DDX10: variants seen among roughly 807,000 people sequenced by gnomAD.
The protein encoded by DDX10 is probable ATP-dependent RNA helicase DDX10.
Under a neutral mutation model 104.3 loss-of-function variants are expected in DDX10, and 74 were observed. The observed-to-expected ratio is 0.71, with a 90% CI of 0.59 to 0.86. DDX10 has a LOEUF of 0.86. Among genes scored for constraint, DDX10 ranks in the 40% least tolerant of loss-of-function variants. DDX10 has a pLI of 0.00. For missense variants in DDX10, 952 were observed against 1,040.0 expected (o/e 0.92, Z 1.16); for synonymous variants, 351 against 353.4 (o/e 0.99, Z 0.08).
At chr11:108,710,163 A>G (rs2094282205) in intron 10 of DDX10, among the ~76,000 whole-genome samples, 1 of 152,204 alleles carries the variant, frequency 6.6e-6, no homozygotes, top group Non-Finnish European at 1.5e-5. Flanking sequence ...CAGGACTGGA[A>G]GTTGCTCTGG....
At chr11:108,744,168 A>G (rs1257387327) in intron 13 of DDX10, among the ~76,000 whole-genome samples, 8 of 152,162 alleles carry the variant, frequency 5.3e-5, no homozygotes, top group Non-Finnish European at 8.8e-5. Context: ...ATGGCTTTAT[A>G]TAGTTTTCTA....
chr11:108,922,243 C>CAAAAAAAAAAAAAAAAAAAA (rs3030537), intron 17 of DDX10: 20 of 79,316 alleles, frequency 2.5e-4, no homozygotes, highest in Middle Eastern at 6.8e-3. Context: ...GACTCCATCT[C>CAAAAAAAAAAAAAAAAAAAA]AAAAAAAAAA....
chr11:108,935,948 T>C (rs1429981972), intron 17 of DDX10, among the ~76,000 whole-genome samples: 1 of 152,208 alleles, frequency 6.6e-6, no homozygotes, highest in Non-Finnish European at 1.5e-5. Flanking sequence ...TTCATCCAAG[T>C]ATATGAAGTA....
In DDX10 at chr11:108,665,078, C is replaced by T. The variant is rs761347945; in HGVS notation, c.-76C>T. On this transcript the variant is annotated 5_prime_UTR_variant, in exon 1 of 18. Coordinates refer to ENST00000322536, the MANE Select transcript of DDX10 (RefSeq NM_004398.4). ...GCGCATGCGCCTCTGTGCGTTTGTC[C>T]CATGCTGGTTCCGTGAGTCTGGCCT... 6 of 1,458,238 alleles carry T rather than the reference C, an allele frequency of 4.1e-6. No homozygotes were observed. Among genetic ancestry groups the T allele is most frequent in the Non-Finnish European group, 5.4e-6 (6 of 1,107,290 alleles). 90.3% of individuals were successfully genotyped at this position (1,458,238 alleles called of 1,614,324 possible). A position where few individuals can be genotyped will look rare whatever the true frequency, so the allele number is the denominator to read the frequency against.
At chr11:108,750,761 C>A (rs1292701410) in intron 13 of DDX10, among the ~76,000 whole-genome samples, 1 of 149,786 alleles carries the variant, frequency 6.7e-6, no homozygotes, top group Non-Finnish European at 1.5e-5. Context: ...GTATATTTAA[C>A]TTTTTTCTTT....
chr11:108,882,394 C>T (rs77101844), intron 16 of DDX10, among the ~76,000 whole-genome samples: 4,285 of 152,198 alleles, frequency 0.028, 177 homozygotes, highest in African/African-American at 0.095. Context: ...TGCTTTAATT[C>T]CACATCTGTC....
At chr11:108,865,753 C>T (rs77073888) in intron 16 of DDX10, among the ~76,000 whole-genome samples, 12 of 152,052 alleles carry the variant, frequency 7.9e-5, no homozygotes, top group African/African-American at 1.7e-4. Flanking sequence ...GTTTACTCTA[C>T]GCATATTTCT....
chr11:108,834,066 C>T lies in DDX10; in HGVS notation c.1966-4380C>T, dbSNP rs189113280. Among the ~76,000 whole-genome samples, 253 of 152,094 alleles carry T rather than the reference C, an allele frequency of 1.7e-3. 1 individual carries two copies. The highest frequency in any genetic ancestry group is 5.7e-3 in the African/African-American group (238 of 41,478). Reference sequence around the variant, plus strand: ...GACCTCCTGGGCTGAAGTGATCCTCCCACCTCAGCCTCTTGAGTAGCTAAG... The same window carrying T: ...GACCTCCTGGGCTGAAGTGATCCTCTCACCTCAGCCTCTTGAGTAGCTAAG... On this transcript the variant is annotated intron_variant, in intron 13 of 17. Coordinates refer to ENST00000322536, the MANE Select transcript of DDX10 (RefSeq NM_004398.4).
At chr11:108,811,128 T>C (rs1221380694) in intron 13 of DDX10, among the ~76,000 whole-genome samples, 1 of 152,194 alleles carries the variant, frequency 6.6e-6, no homozygotes, top group Non-Finnish European at 1.5e-5. Context: ...TGAGTATATA[T>C]TGACTATCAT....
intron 6 of DDX10, 71 bp from the exon 7 acceptor site, chr11:108,688,865 C>T: frequency 6.5e-7 from 1 of 1,528,096 alleles, no homozygotes; most frequent in Non-Finnish European, 8.9e-7. Context: ...AAACTTGTTT[C>T]CTTTTTTGGT....
At chr11:108,880,358 C>A (rs1863211124) in intron 16 of DDX10, among the ~76,000 whole-genome samples, 1 of 152,164 alleles carries the variant, frequency 6.6e-6, no homozygotes, top group South Asian at 2.1e-4. Context: ...TCTCCAAATA[C>A]AGCCACATTG....
At chr11:108,846,997 G>A (rs551584567) in intron 15 of DDX10, among the ~76,000 whole-genome samples, 5 of 152,166 alleles carry the variant, frequency 3.3e-5, no homozygotes, top group African/African-American at 1.2e-4. Context: ...AGTTGTCGTT[G>A]TAGCCTTTAA....
intron 13 of DDX10, among the ~76,000 whole-genome samples, chr11:108,833,294 A>ATT (rs775885318): frequency 6.6e-5 from 10 of 152,278 alleles, no homozygotes; most frequent in East Asian, 1.9e-4. Flanking sequence ...TTTTTCTAAG[A>ATT]TTATATATAT....
chr11:108,771,040 A>G (rs2094362493), intron 13 of DDX10, among the ~76,000 whole-genome samples: 2 of 152,138 alleles, frequency 1.3e-5, no homozygotes, highest in Admixed American at 6.5e-5. Flanking sequence ...GATAAAAGCC[A>G]TTTTAACTGG....
chr11:108,873,299 G>A (rs1249150617), intron 16 of DDX10, among the ~76,000 whole-genome samples: 3 of 152,138 alleles, frequency 2.0e-5, no homozygotes, highest in Admixed American at 6.5e-5. Flanking sequence ...TTGTCCATAA[G>A]TAGGATGATA....
intron 13 of DDX10, among the ~76,000 whole-genome samples, chr11:108,734,356 T>A (rs1226416298): frequency 6.6e-6 from 1 of 152,218 alleles, no homozygotes; most frequent in East Asian, 1.9e-4. Context: ...GTGTCTTTTC[T>A]GTTTTTTGGC....
At chr11:108,728,469 G>T (rs1043531276) in intron 13 of DDX10, among the ~76,000 whole-genome samples, 1 of 134,312 alleles carries the variant, frequency 7.4e-6, no homozygotes, top group Non-Finnish European at 1.6e-5. Context: ...GATAACAACT[G>T]TCTTTGTTTT....
In DDX10 at chr11:108,847,642, G is replaced by A. The variant is rs545111703; in HGVS notation, c.2248-4511G>A. On this transcript the variant is annotated intron_variant, in intron 15 of 17. Transcript: ENST00000322536. ...TTGTTGTTGACACATAATTAAGTTG[G>A]CATGGAATCCAGATGACTTAACCAT... is the stretch of plus-strand genomic sequence containing the variant. 2.6e-5 allele frequency among the ~76,000 whole-genome samples: 4 copies of A among 152,268 alleles called. No individual in the cohort carries two copies. In the South Asian group the frequency reaches 8.3e-4, roughly 32 times the overall value.
chr11:108,824,933 A>T (rs1862375875), intron 13 of DDX10, among the ~76,000 whole-genome samples: 1 of 152,212 alleles, frequency 6.6e-6, no homozygotes. Context: ...TCCCTTAACT[A>T]TTGTAACACT....
Sources: allele counts gnomAD v4.1 joint callset (sites outside exome capture counted in the v4.1 genomes callset), GRCh38; gene constraint gnomAD v4.1.1; transcripts MANE v1.5; gene names NCBI Gene and HGNC (gene_info 2026-07-23, HGNC 2026-07-21).